The following HSD17B11 variants were observed in gnomAD, a reference collection of about 807,000 sequenced individuals.
HSD17B11 encodes hydroxysteroid 17-beta dehydrogenase 11.
In HSD17B11, 22 loss-of-function variants were observed where a neutral mutation model predicts 27.8. The ratio of observed to expected loss-of-function variants is 0.79; its 90% CI spans 0.56 to 1.13. The LOEUF is 1.13. HSD17B11 is among the 50% of genes most tolerant of loss of function. The pLI, the probability that HSD17B11 is intolerant of heterozygous loss-of-function variation, is 0.00. For missense variants in HSD17B11, 314 were observed against 351.1 expected (o/e 0.89, Z 0.84); for synonymous variants, 117 against 132.8 (o/e 0.88, Z 0.82).
Position 87,363,731 on chromosome 4 carries a change from A to G in HSD17B11, c.558-6315T>C, listed in dbSNP as rs564989970. On this transcript the variant is annotated intron_variant, in intron 4 of 6. Transcript: ENST00000358290. Reference sequence around the variant, plus strand: ...ACTAATCTAGACTACTTCTGAGAAAAGAAATAGACACTGCCCAGACCTGTA... The same window carrying G: ...ACTAATCTAGACTACTTCTGAGAAAGGAAATAGACACTGCCCAGACCTGTA... Among the ~76,000 whole-genome samples the G allele has an allele frequency of 8.9e-4, 136 of 152,380 alleles. 2 individuals are homozygous for G. In the South Asian group the frequency reaches 0.027, roughly 30 times the overall value.
chr4:87,386,596 CAA>C (rs10706118), intron 1 of HSD17B11, among the ~76,000 whole-genome samples: 4 of 149,696 alleles, frequency 2.7e-5, no homozygotes, highest in African/African-American at 9.8e-5. Flanking sequence ...AGCAGATCTT[CAA>C]AAAAAAAATG....
chr4:87,345,487 G>A (rs558589388), intron 5 of HSD17B11, among the ~76,000 whole-genome samples: 25 of 152,018 alleles, frequency 1.6e-4, no homozygotes, highest in Non-Finnish European at 2.9e-4. Context: ...TTAGAGGACA[G>A]AAAAACTACA....
chr4:87,352,973 T>C (rs867031694), intron 5 of HSD17B11, among the ~76,000 whole-genome samples: 7 of 102,482 alleles, frequency 6.8e-5, no homozygotes, highest in African/African-American at 2.6e-4. Context: ...CTCGCCCTGC[T>C]TCGGCTCGCG....
At chr4:87,341,712 G>A (rs1049571820) in intron 5 of HSD17B11, among the ~76,000 whole-genome samples, 5 of 151,948 alleles carry the variant, frequency 3.3e-5, no homozygotes, top group Admixed American at 2.0e-4. Flanking sequence ...AAATACAAAA[G>A]AAAATTAGGC....
rs1292252006 is a variant in HSD17B11, at chr4:87,374,691, A to G, written c.450+8T>C. ...AAGGAACATTTTTGTAAAAGAAGCC[A>G]TACTCACCCAGAAATGTGCAAGTAC... On this transcript the variant is annotated splice_region_variant and intron_variant, in intron 3 of 6. Transcript: ENST00000358290. 6.3e-7 allele frequency: 1 copy of G among 1,592,582 alleles called. No homozygotes were observed. Among genetic ancestry groups the G allele is most frequent in the Non-Finnish European group, 8.5e-7 (1 of 1,174,884 alleles).
At chr4:87,360,587 C>A (rs1418852755) in intron 4 of HSD17B11, among the ~76,000 whole-genome samples, 1 of 152,198 alleles carries the variant, frequency 6.6e-6, no homozygotes, top group Non-Finnish European at 1.5e-5. Context: ...AGTCACTGAC[C>A]TCTAGAACAA....
At chr4:87,353,647 A>G (rs563601026) in intron 5 of HSD17B11, among the ~76,000 whole-genome samples, 1 of 152,318 alleles carries the variant, frequency 6.6e-6, no homozygotes, top group South Asian at 2.1e-4. Flanking sequence ...GAGTTTGGCA[A>G]TATGTAGGAA....
intron 5 of HSD17B11, among the ~76,000 whole-genome samples, chr4:87,347,015 A>T (rs1201271560): frequency 6.6e-6 from 1 of 151,374 alleles, no homozygotes; most frequent in Non-Finnish European, 1.5e-5. Context: ...GCTGTATTAT[A>T]CCTTTATAGT....
chr4:87,346,854 A>C (rs1489278297), intron 5 of HSD17B11, among the ~76,000 whole-genome samples: 1 of 152,058 alleles, frequency 6.6e-6, no homozygotes, highest in Non-Finnish European at 1.5e-5. Flanking sequence ...ACAAAGCAAG[A>C]CCTTGTCTCT....
At chr4:87,374,478 CATTT>C in intron 3 of HSD17B11, 1 of 354,494 alleles carries the variant, frequency 2.8e-6, no homozygotes, top group South Asian at 3.9e-5. Flanking sequence ...CAACACCTGA[CATTT>C]ATTATTAATT....
At chr4:87,374,641 C>G (rs1206397371) in intron 3 of HSD17B11, 58 bp downstream of exon 3, 15 of 1,519,504 alleles carry the variant, frequency 9.9e-6, no homozygotes, top group African/African-American at 1.4e-5. Flanking sequence ...GCTAAAAGCC[C>G]CACTTTAATC....
chr4:87,374,327 G>GA (rs1271407619), intron 3 of HSD17B11: 1 of 170,030 alleles, frequency 5.9e-6, no homozygotes, highest in Non-Finnish European at 1.2e-5. Context: ...GTCTAAAAAA[G>GA]AAAAAAGAGA....
intron 3 of HSD17B11, chr4:87,374,317 G>A (rs1479646609): frequency 5.9e-6 from 1 of 170,464 alleles, no homozygotes; most frequent in Non-Finnish European, 1.2e-5. Flanking sequence ...GTGAGACCCT[G>A]TCTAAAAAAG....
chr4:87,381,013 C>G (rs1334330325), intron 2 of HSD17B11, among the ~76,000 whole-genome samples: 1 of 151,132 alleles, frequency 6.6e-6, no homozygotes, highest in Non-Finnish European at 1.5e-5. Flanking sequence ...TAGTGAAACC[C>G]CATCTCTACA....
At chr4:87,383,208 C>T (rs1315869652) in intron 1 of HSD17B11, among the ~76,000 whole-genome samples, 1 of 152,092 alleles carries the variant, frequency 6.6e-6, no homozygotes, top group East Asian at 1.9e-4. Context: ...TCATAAAGGT[C>T]AAGGCCAGAA....
chr4:87,346,822 T>G (rs752941167), intron 5 of HSD17B11, among the ~76,000 whole-genome samples: 39 of 152,050 alleles, frequency 2.6e-4, no homozygotes, highest in Non-Finnish European at 4.4e-4. Context: ...CTTGGGACAC[T>G]GAGGCAAGAT....
intron 6 of HSD17B11, among the ~76,000 whole-genome samples, chr4:87,340,068 T>C (rs1735137395): frequency 6.7e-6 from 1 of 148,858 alleles, no homozygotes; most frequent in South Asian, 2.1e-4. Flanking sequence ...AAAAAAAATT[T>C]AGCAATTCAT....
chr4:87,372,086 C>T (rs1228877504), intron 4 of HSD17B11, among the ~76,000 whole-genome samples: 2 of 151,774 alleles, frequency 1.3e-5, no homozygotes, highest in East Asian at 3.9e-4. Flanking sequence ...ACTAAAAATA[C>T]AAAAAAAGTA....
Position 87,340,601 on chromosome 4 carries a change from C to G in HSD17B11, c.701G>C (p.Gly234Ala). 1 of 1,607,470 alleles carries G rather than the reference C, an allele frequency of 6.2e-7. No homozygotes were observed. Among genetic ancestry groups the G allele is most frequent in the African/African-American group, 1.3e-5 (1 of 74,822 alleles). ...GFIKNPSTSL[G>A]PTLEPEEVVN... ...CACTTCCTCAGGTTCCAGAGTGGGT[C>G]CCAAACTGAAATCAGAGTCAGTCTT... The change falls in exon 6 of 7, where the codon GGA becomes GCA. Residue 234 changes from glycine (G) to alanine (A), a missense_variant. By Grantham distance (60) the Gly-to-Ala change is moderately conservative. Coordinates refer to ENST00000358290, the MANE Select transcript of HSD17B11 (RefSeq NM_016245.5).
Sources: allele counts gnomAD v4.1 joint callset (sites outside exome capture counted in the v4.1 genomes callset), GRCh38; gene constraint gnomAD v4.1.1; transcripts MANE v1.5; gene names NCBI Gene and HGNC (gene_info 2026-07-23, HGNC 2026-07-21).